Variants in ACADM observed in about 807,000 individuals in gnomAD.
ACADM encodes the protein medium-chain specific acyl-CoA dehydrogenase, mitochondrial.
In ACADM, 49 loss-of-function variants were observed where a neutral mutation model predicts 58.9. The ratio of observed to expected loss-of-function variants is 0.83; its 90% CI spans 0.66 to 1.06. The LOEUF (loss-of-function observed/expected upper bound fraction) is 1.06. ACADM is among the 50% of genes least tolerant of loss of function. The pLI, the probability that ACADM is intolerant of heterozygous loss-of-function variation, is 0.00. For missense variants in ACADM, 496 were observed against 507.0 expected (o/e 0.98, Z 0.21); for synonymous variants, 160 against 157.7 (o/e 1.01, Z -0.11).
intron 6 of ACADM, among the ~76,000 whole-genome samples, chr1:75,737,727 T>A (rs1647348324): frequency 6.6e-6 from 1 of 152,128 alleles, no homozygotes; most frequent in Admixed American, 6.5e-5. Flanking sequence ...AACAGCATCA[T>A]TTGCGAGCAT....
Position 75,732,745 on chromosome 1 carries a change from G to A in ACADM, c.216+4G>A. On this transcript the variant is annotated splice_donor_region_variant and intron_variant, in intron 3 of 11. Transcript: ENST00000370841. ...AGAATATGATAAAACTGGTGAAGTA[G>A]GTATATACATTTTAAAGAGGGAAAA... 3 of 1,612,000 alleles carry A rather than the reference G, an allele frequency of 1.9e-6. No individual in the cohort carries two copies. Among genetic ancestry groups the A allele is most frequent in the Non-Finnish European group, 2.5e-6 (3 of 1,178,172 alleles).
chr1:75,730,681 C>G (rs146365842), intron 2 of ACADM, among the ~76,000 whole-genome samples: 15 of 152,006 alleles, frequency 9.9e-5, no homozygotes, highest in Non-Finnish European at 2.1e-4. Context: ...CCACACCTAG[C>G]TGATTTTTTA....
chr1:75,749,497 T>C lies in ACADM; in HGVS notation c.787T>C (p.Leu263=). Residue 263 remains leucine, a synonymous_variant, in exon 9 of 12, where the codon TTA becomes CTA. Transcript: ENST00000370841. ...TGTGAAAGTGCCTAAAGAAAATGTT[T>C]TAATTGGTGACGGAGCTGGTTTCAA... ...EDVKVPKENV[L]IGDGAGFKVA... 2 of 1,614,070 alleles carry C rather than the reference T, an allele frequency of 1.2e-6. No individual in the cohort carries two copies. The highest frequency in any genetic ancestry group is 1.7e-6 in the Non-Finnish European group (2 of 1,179,990).
intron 10 of ACADM, among the ~76,000 whole-genome samples, chr1:75,756,092 A>C (rs546420474): frequency 6.6e-6 from 1 of 152,298 alleles, no homozygotes; most frequent in East Asian, 1.9e-4. Context: ...TTTATGACAA[A>C]CCCACAGCCA....
At chr1:75,729,295 C>CTTTTTTTTTTTTTTTTTTTTTTTTTTT (rs35372302) in intron 2 of ACADM, among the ~76,000 whole-genome samples, 8 of 85,330 alleles carry the variant, frequency 9.4e-5, no homozygotes, top group Non-Finnish European at 1.1e-4. Context: ...TTTCTTTTTT[C>CTTTTTTTTTTTTTTTTTTTTTTTTTTT]TTTTTTTTTT....
At chr1:75,737,520 G>A (rs1025417101) in intron 6 of ACADM, among the ~76,000 whole-genome samples, 1 of 151,510 alleles carries the variant, frequency 6.6e-6, no homozygotes, top group South Asian at 2.1e-4. Flanking sequence ...CAAAATTTTG[G>A]TACTTAAAAG....
In ACADM at chr1:75,754,216, T is replaced by G. The variant is rs140982711; in HGVS notation, c.945+3670T>G. Among the ~76,000 whole-genome samples the G allele has an allele frequency of 6.7e-3, 1,013 of 150,378 alleles. 22 individuals are homozygous for G. The highest frequency in any genetic ancestry group is 0.035 in the Admixed American group (522 of 15,110). On this transcript the variant is annotated intron_variant, in intron 10 of 11. Transcript: ENST00000370841. ...TTGAAACTTCAGTTTTTTGTTTTTT[T>G]TTTTTTTTTGAGACGGAGTCTTACT...
At chr1:75,748,245 A>T (rs1432271937) in intron 8 of ACADM, among the ~76,000 whole-genome samples, 1 of 152,216 alleles carries the variant, frequency 6.6e-6, no homozygotes, top group South Asian at 2.1e-4. Flanking sequence ...AATCTATTAT[A>T]GATGAAGGGT....
chr1:75,743,807 G>A lies in ACADM; in HGVS notation c.600-1999G>A. The A allele has an allele frequency of 3.4e-6, 5 of 1,491,446 alleles. No individual in the cohort carries two copies. In the South Asian group the frequency reaches 5.6e-5, roughly 17 times the overall value. 92.4% of individuals were successfully genotyped at this position (1,491,446 alleles called of 1,614,324 possible). The stretch of plus-strand genomic sequence containing the variant: ...ATGACTGGAACCACCAGACCCTGTG[G>A]GGTGGCCACTGCAACACTGATGTCA... On this transcript the variant is annotated intron_variant, in intron 7 of 11. Transcript: ENST00000370841.
intron 7 of ACADM, 127 bp from the exon 8 acceptor site, chr1:75,745,679 A>AT: frequency 1.2e-6 from 1 of 809,680 alleles, no homozygotes; most frequent in South Asian, 1.4e-5. Flanking sequence ...AAACCTGATT[A>AT]TTTATTTCCT....
intron 2 of ACADM, among the ~76,000 whole-genome samples, chr1:75,730,109 G>T (rs1294702500): frequency 6.6e-6 from 1 of 152,012 alleles, no homozygotes; most frequent in East Asian, 1.9e-4. Flanking sequence ...TGGCAACGCT[G>T]GTCTCGAACT....
rs185796349 is a variant in ACADM, at chr1:75,744,520, T to C, written c.600-1286T>C. 19 of 1,515,848 alleles carry C rather than the reference T, an allele frequency of 1.3e-5. No individual in the cohort carries two copies. In the African/African-American group the frequency reaches 2.5e-4, roughly 20 times the overall value. The allele number at this position is 1,515,848 out of a possible 1,614,324, so 93.9% of individuals were successfully genotyped here. On this transcript the variant is annotated intron_variant, in intron 7 of 11. Coordinates refer to ENST00000370841, the MANE Select transcript of ACADM (RefSeq NM_000016.6). ...TCCAACAGCTTTCTCCCACCTGACA[T>C]CTCCCTCTGTGACAGGTTCTGCAAA...
chr1:75,729,506 C>T (rs1313070), intron 2 of ACADM, among the ~76,000 whole-genome samples: 10,205 of 115,682 alleles, frequency 0.088, 1,219 homozygotes, highest in African/African-American at 0.29. Context: ...TGAAAATTTT[C>T]TCTTTTCTTT....
intron 2 of ACADM, among the ~76,000 whole-genome samples, chr1:75,728,736 CTGAG>C (rs1325575570): frequency 2.0e-5 from 3 of 151,992 alleles, no homozygotes; most frequent in Non-Finnish European, 2.9e-5. Flanking sequence ...TCCTTTTTTT[CTGAG>C]TGTTTAGCCC....
rs56885972 is a variant in ACADM at position 75,731,278 on chromosome 1, CAAAAAAAAAAAAAAAAA to C, written c.119-1355_119-1339del. ...TGGGCGACAGAGCGAGACTCCGTCT[CAAAAAAAAAAAAAAAAA>C]AAAAAAAAAAGAGATTTGATCTTAT... On this transcript the variant is annotated intron_variant, in intron 2 of 11. Transcript: ENST00000370841. Among the ~76,000 whole-genome samples the C allele has an allele frequency of 7.7e-5, 5 of 64,926 alleles. No homozygotes were observed. In the East Asian group the frequency reaches 2.5e-3, roughly 33 times the overall value. 42.6% of individuals were successfully genotyped at this position (64,926 alleles called of 152,430 possible).
Position 75,743,880 on chromosome 1 carries a change from G to A in ACADM, c.600-1926G>A, listed in dbSNP as rs146824927. 1.7e-4 allele frequency: 242 copies of A among 1,425,310 alleles called. 2 individuals are homozygous for A. The Admixed American group carries it at 1.8e-3, about 10-fold the overall frequency. The allele number at this position is 1,425,310 out of a possible 1,614,324, so 88.3% of individuals were successfully genotyped here. A position where few individuals can be genotyped will look rare whatever the true frequency, so the allele number is the denominator to read the frequency against. ...CTTTGGTTATATCATCAATCACTGC[G>A]TTTACAACAGGCTGTTCCTGCAAGG... On this transcript the variant is annotated intron_variant, in intron 7 of 11. Transcript: ENST00000370841.
intron 10 of ACADM, among the ~76,000 whole-genome samples, chr1:75,752,141 C>A (rs1009395149): frequency 6.6e-6 from 1 of 151,856 alleles, no homozygotes; most frequent in Non-Finnish European, 1.5e-5. Context: ...CACTACCATG[C>A]CTGCCTAATT....
rs140971682 is a variant in ACADM at position 75,743,454 on chromosome 1, C to T, written c.600-2352C>T. 1,877 of 1,611,050 alleles carry T rather than the reference C, an allele frequency of 1.2e-3. 21 individuals carry two copies. The African/African-American group carries it at 0.022, about 19-fold the overall frequency. ...AGAGGAGGACTCTGGGATCCTCTAC[C>T]GCTGCCTTGATTTTGCGGAGGAAAG... On this transcript the variant is annotated intron_variant, in intron 7 of 11. Transcript: ENST00000370841.
intron 2 of ACADM, among the ~76,000 whole-genome samples, chr1:75,731,483 A>T (rs1402707898): frequency 1.3e-5 from 2 of 152,086 alleles, no homozygotes; most frequent in African/African-American, 4.8e-5. Flanking sequence ...TTGACGTTAG[A>T]TGCAACCACA....
Sources: allele counts gnomAD v4.1 joint callset (sites outside exome capture counted in the v4.1 genomes callset), GRCh38; gene constraint gnomAD v4.1.1; transcripts MANE v1.5; gene names NCBI Gene and HGNC (gene_info 2026-07-23, HGNC 2026-07-21).